Variants in TPX2 observed in about 807,000 individuals in gnomAD.
TPX2 encodes the protein TPX2 microtubule nucleation factor, also known as targeting protein for Xklp2.
In TPX2, 21 loss-of-function variants were observed where a neutral mutation model predicts 93.6. That is an observed-to-expected ratio of 0.22 (90% CI 0.16 to 0.32). TPX2 has a LOEUF of 0.32. Among genes scored for constraint, TPX2 ranks in the 10% least tolerant of loss-of-function variants. The pLI is 1.00. For missense variants in TPX2, 776 were observed against 871.1 expected (o/e 0.89, Z 1.37); for synonymous variants, 281 against 298.3 (o/e 0.94, Z 0.60).
chr20:31,742,688 A>G (rs2061760038), intron 2 of TPX2, 41 bp downstream of exon 2: 1 of 152,252 alleles, frequency 6.6e-6, no homozygotes. Flanking sequence ...TTAATATATC[A>G]GCTTCATAAG....
At chr20:31,782,985 G>A (rs963832726) in intron 11 of TPX2, among the ~76,000 whole-genome samples, 1 of 151,540 alleles carries the variant, frequency 6.6e-6, no homozygotes, top group Non-Finnish European at 1.5e-5. Flanking sequence ...TTCAATTAAG[G>A]AATGCCCTCT....
intron 3 of TPX2, 49 bp downstream of exon 3, chr20:31,757,631 G>T (rs1600361863): frequency 2.0e-6 from 3 of 1,474,450 alleles, no homozygotes; most frequent in South Asian, 1.2e-5. Context: ...GGCTTGCTTT[G>T]TGCTGAAGAC....
Position 31,754,036 on chromosome 20 carries a change from A to G in TPX2, c.-70-3371A>G, listed in dbSNP as rs565222426. Among the ~76,000 whole-genome samples the G allele has an allele frequency of 2.0e-5, 3 of 152,138 alleles. No individual in the cohort carries two copies. The South Asian group carries it at 6.2e-4, about 32-fold the overall frequency. On this transcript the variant is annotated intron_variant, in intron 2 of 17. Transcript: ENST00000300403. ...GCAAGACACCATCTCAAACAAAACA[A>G]AACAAAAACAACAACAATAACAGAT...
At chr20:31,771,174 T>G (rs976101374) in intron 6 of TPX2, among the ~76,000 whole-genome samples, 13 of 152,216 alleles carry the variant, frequency 8.5e-5, no homozygotes, top group African/African-American at 2.2e-4. Flanking sequence ...TTGAGGCAAG[T>G]ACAATACTTA....
chr20:31,741,335 G>A (rs1258631918), intron 1 of TPX2, among the ~76,000 whole-genome samples: 1 of 149,056 alleles, frequency 6.7e-6, no homozygotes. Context: ...TTTTTGAGAC[G>A]GAGTCTCACT....
rs1428034640 is a variant in TPX2, at chr20:31,794,027, A to T, written c.1686+3A>T. On this transcript the variant is annotated splice_donor_region_variant and intron_variant, in intron 14 of 17. Coordinates refer to ENST00000300403, the MANE Select transcript of TPX2 (RefSeq NM_012112.5). ...TAAAAGAACTGCAGAAAGGGGAGGT[A>T]GGTGTTTCCATTTCTGCAAGTAGTG... The T allele has an allele frequency of 6.2e-7, 1 of 1,605,664 alleles. No individual in the cohort carries two copies. The highest frequency in any genetic ancestry group is 1.7e-5 in the Admixed American group (1 of 57,914).
intron 12 of TPX2, among the ~76,000 whole-genome samples, chr20:31,791,780 G>A (rs2062103038): frequency 1.3e-5 from 2 of 152,178 alleles, no homozygotes. Context: ...GAGCTGATGG[G>A]GGCAGGATGT....
In TPX2 at chr20:31,769,616, G is replaced by A. The variant is rs560728037; in HGVS notation, c.357-727G>A. Reference sequence around the variant, plus strand: ...TGGGATTACAGGCGTGAGCCACCGCGCCCAGCCTATCTAATGATCACTCTT... The same window carrying A: ...TGGGATTACAGGCGTGAGCCACCGCACCCAGCCTATCTAATGATCACTCTT... On this transcript the variant is annotated intron_variant, in intron 5 of 17. Coordinates refer to ENST00000300403, the MANE Select transcript of TPX2 (RefSeq NM_012112.5). Among the ~76,000 whole-genome samples the A allele has an allele frequency of 5.0e-3, 766 of 152,188 alleles. 9 individuals are homozygous for A. The highest frequency in any genetic ancestry group is 0.017 in the African/African-American group (726 of 41,526).
chr20:31,758,080 A>AT (rs1309553825), intron 3 of TPX2, among the ~76,000 whole-genome samples: 8 of 148,356 alleles, frequency 5.4e-5, no homozygotes, highest in Non-Finnish European at 3.0e-5. Context: ...ATCTTTTATA[A>AT]TTACCCTCAC....
chr20:31,780,930 G>A (rs1415241845), intron 10 of TPX2: 2 of 406,266 alleles, frequency 4.9e-6, no homozygotes, highest in Admixed American at 6.2e-5. Flanking sequence ...TTCTTGTTTT[G>A]CTTTTTAGAG....
At position 31,777,658 on chromosome 20, in the gene TPX2, G is replaced by T; in HGVS notation, c.882+20G>T. ...TCTCCTGTAAGTTGATGGACTAAAT[G>T]AACATTTCTGTTACTAATATTCATT... On this transcript the variant is annotated intron_variant, in intron 9 of 17. Transcript: ENST00000300403. 1 of 1,606,398 alleles carries T rather than the reference G, an allele frequency of 6.2e-7. No individual in the cohort carries two copies. Among genetic ancestry groups the T allele is most frequent in the South Asian group, 1.1e-5 (1 of 90,582 alleles).
chr20:31,786,966 T>C (rs1354960698), intron 12 of TPX2, among the ~76,000 whole-genome samples: 1 of 152,104 alleles, frequency 6.6e-6, no homozygotes, highest in African/African-American at 2.4e-5. Context: ...CTCAGAATCC[T>C]CTGGGGCTCT....
In TPX2 at chr20:31,742,611, T is replaced by G. The variant is rs1313407587; in HGVS notation, c.-107T>G. ...TGAAAGAGAAGATTGCAACTTTGAG[T>G]CAGACCTGTAGGCCTGATAGACTGA... On this transcript the variant is annotated 5_prime_UTR_variant, in exon 2 of 18. Coordinates refer to ENST00000300403, the MANE Select transcript of TPX2 (RefSeq NM_012112.5). The G allele has an allele frequency of 6.6e-6, 1 of 152,142 alleles. No individual in the cohort carries two copies. The highest frequency in any genetic ancestry group is 1.5e-5 in the Non-Finnish European group (1 of 68,036). 9.4% of individuals were successfully genotyped at this position (152,142 alleles called of 1,614,324 possible). A position where few individuals can be genotyped will look rare whatever the true frequency, so the allele number is the denominator to read the frequency against.
At chr20:31,785,111 A>G (rs1360946155) in intron 12 of TPX2, among the ~76,000 whole-genome samples, 1 of 152,246 alleles carries the variant, frequency 6.6e-6, no homozygotes, top group Non-Finnish European at 1.5e-5. Flanking sequence ...TACAAAAATC[A>G]TGATTATGCT....
intron 17 of TPX2, 152 bp from the exon 18 acceptor site, chr20:31,800,818 G>T (rs1289240635): frequency 4.5e-6 from 3 of 664,892 alleles, no homozygotes; most frequent in Non-Finnish European, 8.0e-6. Flanking sequence ...ATCATACCGT[G>T]TTGCCCCCCA....
In TPX2 at chr20:31,777,482, C is replaced by T; in HGVS notation, c.731-5C>T. 6.2e-7 allele frequency: 1 copy of T among 1,613,306 alleles called. No homozygotes were observed. Among genetic ancestry groups the T allele is most frequent in the Non-Finnish European group, 8.5e-7 (1 of 1,179,552 alleles). ...TCTGTATGTTTTACTGTGTTCATCT[C>T]TCAGGGCAACCTGTGAAGAAATCAG... On this transcript the variant is annotated splice_region_variant and splice_polypyrimidine_tract_variant and intron_variant, in intron 8 of 17. Transcript: ENST00000300403.
At chr20:31,748,992 C>T (rs927882404) in intron 2 of TPX2, among the ~76,000 whole-genome samples, 4 of 150,160 alleles carry the variant, frequency 2.7e-5, no homozygotes, top group Admixed American at 1.3e-4. Context: ...GTTGCCCAGG[C>T]TGGAGTGCAG....
chr20:31,792,224 T>C (rs1228955202), intron 12 of TPX2, among the ~76,000 whole-genome samples: 2 of 151,806 alleles, frequency 1.3e-5, no homozygotes, highest in African/African-American at 4.8e-5. Context: ...CTGGGCAAAG[T>C]GGTGCGCGCT....
At chr20:31,783,051 C>G (rs1013197493) in intron 11 of TPX2, among the ~76,000 whole-genome samples, 1 of 152,044 alleles carries the variant, frequency 6.6e-6, no homozygotes, top group Non-Finnish European at 1.5e-5. Flanking sequence ...ATTGTTACAG[C>G]TATTATTAGT....
Sources: allele counts gnomAD v4.1 joint callset (sites outside exome capture counted in the v4.1 genomes callset), GRCh38; gene constraint gnomAD v4.1.1; transcripts MANE v1.5; gene names NCBI Gene and HGNC (gene_info 2026-07-23, HGNC 2026-07-21).